Variants in RAB33A observed in about 807,000 individuals in gnomAD.
RAB33A encodes the protein RAB33A, member RAS oncogene family.
Under a neutral mutation model 12.0 loss-of-function variants are expected in RAB33A, and 6 were observed. That is an observed-to-expected ratio of 0.50 (90% CI 0.27 to 0.99). The LOEUF is 0.99. Among genes scored for constraint, RAB33A ranks in the 50% least tolerant of loss-of-function variants. The probability of loss-of-function intolerance (pLI) is 0.11; values close to 1 mark genes in which losing one functional copy is unlikely to be tolerated. For missense variants in RAB33A, 109 were observed against 192.0 expected, an observed-to-expected ratio of 0.57 and a Z score of 2.55; for synonymous variants, 70 against 82.4, an observed-to-expected ratio of 0.85 and a Z score of 0.81.
intron 1 of RAB33A, 103 bp from the exon 2 acceptor site, chrX:130,184,181 AC>A: frequency 1.3e-6 from 1 of 787,283 alleles, no homozygotes; most frequent in Non-Finnish European, 1.8e-6. Flanking sequence ...GAGCCACCGC[AC>A]CCGTCCTGTC....
At chrX:130,155,817 C>T in the RAB33A span, among the ~76,000 whole-genome samples, 1 of 111,719 alleles carries the variant, frequency 9.0e-6, no homozygotes, top group African/African-American at 3.2e-5. Context: ...AAAACACCCA[C>T]AAAATAATTC....
At chrX:130,165,511 G>A in the RAB33A span, 1 of 1,107,158 alleles carries the variant, frequency 9.0e-7, no homozygotes, top group Non-Finnish European at 1.2e-6. Context: ...TAAGGCGCCA[G>A]GCCCTCGGAC....
At position 130,172,240 on chromosome X, in the gene RAB33A, A is replaced by G. The variant is rs758520981; in HGVS notation, c.178A>G (p.Thr60Ala). The part of the protein sequence containing the change: ...TCLTFRFCGG[T>A]FPDKTEATIG... ...CCTGACCTTCCGCTTCTGCGGGGGT[A>G]CCTTCCCAGACAAGACTGAAGCCAC... The change falls in exon 1 of 2, where the codon ACC (threonine) becomes GCC (alanine). Residue 60 changes from threonine to alanine, a missense_variant. Coordinates refer to ENST00000257017, the MANE Select transcript of RAB33A (RefSeq NM_004794.3). The G allele has an allele frequency of 8.3e-7, 1 of 1,212,117 alleles. No homozygotes were observed. Among genetic ancestry groups the G allele is most frequent in the Non-Finnish European group, 1.1e-6 (1 of 895,517 alleles).
the RAB33A span, among the ~76,000 whole-genome samples, chrX:130,146,451 ATGTGTGTGTGTGTGTG>A: frequency 1.1e-4 from 10 of 89,443 alleles, no homozygotes; most frequent in South Asian, 5.9e-4. Context: ...CTCTCAAAAT[ATGTGTGTGTGTGTGTG>A]TGTGTGTGTG....
chrX:130,139,690 A>C, the RAB33A span: 1 of 730,035 alleles, frequency 1.4e-6, no homozygotes, highest in Non-Finnish European at 2.2e-6. Flanking sequence ...GAAGAGCCAT[A>C]AATAGAACTT....
At chrX:130,122,568 AG>A in the RAB33A span, among the ~76,000 whole-genome samples, 18 of 111,885 alleles carry the variant, frequency 1.6e-4, no homozygotes, top group Non-Finnish European at 2.8e-4. Context: ...ACTAGGAGCA[AG>A]GGGGGGTGGG....
the RAB33A span, among the ~76,000 whole-genome samples, chrX:130,159,865 A>G: frequency 9.2e-6 from 1 of 108,756 alleles, no homozygotes; most frequent in Admixed American, 9.9e-5. Flanking sequence ...TCTGTCCCCA[A>G]GCTGGAGTGC....
chrX:130,160,086 A>T, the RAB33A span, among the ~76,000 whole-genome samples: 1 of 112,257 alleles, frequency 8.9e-6, no homozygotes, highest in Non-Finnish European at 1.9e-5. Flanking sequence ...TATTTAAACT[A>T]CTGCTTGAAA....
the RAB33A span, among the ~76,000 whole-genome samples, chrX:130,151,446 A>G: frequency 1.8e-5 from 2 of 111,262 alleles, no homozygotes; most frequent in East Asian, 5.7e-4. Flanking sequence ...GCCCCATAAA[A>G]CATATTCTAA....
chrX:130,149,981 G>A, the RAB33A span, among the ~76,000 whole-genome samples: 36 of 111,971 alleles, frequency 3.2e-4, no homozygotes, highest in Non-Finnish European at 6.2e-4. Flanking sequence ...ATAGGGTCCC[G>A]GGTAGGAAGC....
At chrX:130,129,795 C>G in the RAB33A span, among the ~76,000 whole-genome samples, 2 of 111,788 alleles carry the variant, frequency 1.8e-5, no homozygotes, top group African/African-American at 6.5e-5. Context: ...CCAGGTCACC[C>G]AGCCAAGTCC....
intron 1 of RAB33A, among the ~76,000 whole-genome samples, chrX:130,180,084 T>C (rs1345224149): frequency 9.1e-6 from 1 of 110,029 alleles, no homozygotes; most frequent in Non-Finnish European, 1.9e-5. Flanking sequence ...GCTGATTCTA[T>C]AGGGGAGGAG....
At chrX:130,115,939 G>A in the RAB33A span, among the ~76,000 whole-genome samples, 1 of 110,710 alleles carries the variant, frequency 9.0e-6, no homozygotes, top group African/African-American at 3.3e-5. Context: ...AAGGCCATGG[G>A]TATCCAAGTG....
rs60085312 is a variant in RAB33A at position 130,181,007 on chromosome X, C to CAAAAAAAAAA, written c.259-3260_259-3251dup. Among the ~76,000 whole-genome samples, 6 of 8,129 alleles carry CAAAAAAAAAA rather than the reference C, an allele frequency of 7.4e-4. 3 individuals are homozygous for CAAAAAAAAAA. The highest frequency in any genetic ancestry group is 2.0e-3 in the African/African-American group (6 of 2,954). 7.1% of individuals were successfully genotyped at this position (8,129 alleles called of 115,157 possible). The stretch of plus-strand genomic sequence containing the variant: ...TGGGCAACAGAGCAACAGTCCATCT[C>CAAAAAAAAAA]AAAAAAAAAAAAAAAAAAAAAAAAA... On this transcript the variant is annotated intron_variant, in intron 1 of 1. Transcript: ENST00000257017.
the RAB33A span, chrX:130,133,297 G>A: frequency 1.7e-6 from 2 of 1,207,854 alleles, no homozygotes; most frequent in African/African-American, 3.5e-5. Flanking sequence ...GGGTCTCCAA[G>A]GCACACCACT....
At chrX:130,150,503 T>A in the RAB33A span, among the ~76,000 whole-genome samples, 2 of 102,531 alleles carry the variant, frequency 2.0e-5, no homozygotes, top group Non-Finnish European at 4.0e-5. Context: ...GCCCGGCTAA[T>A]TTTTTGTATT....
the RAB33A span, among the ~76,000 whole-genome samples, chrX:130,138,247 C>T: frequency 4.5e-5 from 5 of 111,123 alleles, no homozygotes; most frequent in South Asian, 3.8e-4. Context: ...GGGCGGATCA[C>T]CAGGTCAGGA....
intron 1 of RAB33A, among the ~76,000 whole-genome samples, chrX:130,179,594 C>G (rs889184967): frequency 9.2e-6 from 1 of 108,666 alleles, no homozygotes; most frequent in Non-Finnish European, 1.9e-5. Flanking sequence ...TCTTCCTGTT[C>G]GGAACACCAC....
chrX:130,135,599 A>C, the RAB33A span, among the ~76,000 whole-genome samples: 2 of 110,876 alleles, frequency 1.8e-5, no homozygotes, highest in Admixed American at 9.6e-5. Context: ...TTTATGTCAT[A>C]ATAGATTGTA....
Sources: allele counts gnomAD v4.1 joint callset (sites outside exome capture counted in the v4.1 genomes callset), GRCh38; gene constraint gnomAD v4.1.1; transcripts MANE v1.5; gene names NCBI Gene and HGNC (gene_info 2026-07-23, HGNC 2026-07-21).